The following P4HA1 variants were observed in gnomAD, a reference collection of about 807,000 sequenced individuals.
The protein encoded by P4HA1 is prolyl 4-hydroxylase subunit alpha 1.
P4HA1 carries 24 observed loss-of-function variants against 72.8 expected under a neutral mutation model. The ratio of observed to expected loss-of-function variants is 0.33; its 90% CI spans 0.24 to 0.46. P4HA1 has a LOEUF of 0.46. P4HA1 is among the 20% of genes least tolerant of loss of function. P4HA1 has a pLI of 1.00. For missense variants in P4HA1, 446 were observed against 640.6 expected, an observed-to-expected ratio of 0.70 and a Z score of 3.28; for synonymous variants, 201 against 218.8, an observed-to-expected ratio of 0.92 and a Z score of 0.72.
intron 12 of P4HA1, among the ~76,000 whole-genome samples, chr10:73,012,334 GACAA>G (rs1179832025): frequency 2.0e-5 from 3 of 152,100 alleles, no homozygotes; most frequent in Non-Finnish European, 4.4e-5. Flanking sequence ...CAAAAAGTCT[GACAA>G]ACATACTTCA....
At chr10:73,080,901 C>G (rs1841807336) in intron 1 of P4HA1, among the ~76,000 whole-genome samples, 1 of 152,134 alleles carries the variant, frequency 6.6e-6, no homozygotes, top group African/African-American at 2.4e-5. Flanking sequence ...GCACTCCAGC[C>G]TGGGCAACAG....
chr10:73,093,905 T>TATATATATATAC (rs1842106843), intron 1 of P4HA1, among the ~76,000 whole-genome samples: 2 of 75,676 alleles, frequency 2.6e-5, no homozygotes, highest in Non-Finnish European at 4.5e-5. Context: ...TATATATATA[T>TATATATATATAC]ATACACACAC....
At position 73,096,779 on chromosome 10, in the gene P4HA1, C is replaced by T. The variant is rs1283750223; in HGVS notation, c.-46G>A. 6.5e-6 allele frequency: 1 copy of T among 153,056 alleles called. No individual in the cohort carries two copies. The highest frequency in any genetic ancestry group is 1.9e-4 in the East Asian group (1 of 5,202). 9.5% of individuals were successfully genotyped at this position (153,056 alleles called of 1,614,324 possible). Reference sequence around the variant, plus strand: ...GGAGCGTCTCACCTGGAAAGTGGGACGAGAGGGCGGCGCGCTCTTCAGCCC... The same window carrying T: ...GGAGCGTCTCACCTGGAAAGTGGGATGAGAGGGCGGCGCGCTCTTCAGCCC... On this transcript the variant is annotated 5_prime_UTR_variant, in exon 1 of 15. Coordinates refer to ENST00000394890, the MANE Select transcript of P4HA1 (RefSeq NM_001017962.3).
chr10:73,066,539 T>C (rs1461956757), intron 5 of P4HA1, among the ~76,000 whole-genome samples: 1 of 152,144 alleles, frequency 6.6e-6, no homozygotes, highest in Non-Finnish European at 1.5e-5. Context: ...TTTTTTGAGA[T>C]AGGGGTCTCA....
chr10:73,064,743 A>G (rs1841382461), intron 5 of P4HA1, among the ~76,000 whole-genome samples: 1 of 151,254 alleles, frequency 6.6e-6, no homozygotes, highest in African/African-American at 2.4e-5. Flanking sequence ...TGGGAGGCTG[A>G]GGCAAGAGAA....
intron 5 of P4HA1, among the ~76,000 whole-genome samples, chr10:73,062,373 A>T (rs1241376170): frequency 2.0e-5 from 3 of 149,124 alleles, no homozygotes; most frequent in Non-Finnish European, 4.5e-5. Flanking sequence ...CTGACACTAT[A>T]AAAAAAAAAT....
chr10:73,081,273 A>G (rs1220724688), intron 1 of P4HA1, among the ~76,000 whole-genome samples: 1 of 152,122 alleles, frequency 6.6e-6, no homozygotes, highest in Non-Finnish European at 1.5e-5. Flanking sequence ...AGAAAACCCA[A>G]GAAGAGTCAA....
chr10:73,042,810 GTGCTACT>G (rs1473417897), intron 9 of P4HA1, among the ~76,000 whole-genome samples: 2 of 152,010 alleles, frequency 1.3e-5, no homozygotes, highest in Non-Finnish European at 2.9e-5. Flanking sequence ...TTAAGGAAGG[GTGCTACT>G]GGCATCCAGT....
chr10:73,015,546 C>T (rs1215806891), intron 11 of P4HA1, among the ~76,000 whole-genome samples: 1 of 152,210 alleles, frequency 6.6e-6, no homozygotes, highest in East Asian at 1.9e-4. Context: ...ACAGACAGTT[C>T]CCCATAAGGC....
intron 10 of P4HA1, among the ~76,000 whole-genome samples, chr10:73,025,766 C>A (rs951041278): frequency 6.6e-6 from 1 of 152,214 alleles, no homozygotes; most frequent in African/African-American, 2.4e-5. Flanking sequence ...TCAGCAAAGT[C>A]TCAGGATACA....
intron 10 of P4HA1, among the ~76,000 whole-genome samples, chr10:73,022,449 C>T (rs942544111): frequency 6.6e-6 from 1 of 152,026 alleles, no homozygotes; most frequent in Admixed American, 6.6e-5. Flanking sequence ...ATAGCATCAA[C>T]ATCAACAAAA....
At chr10:73,038,204 A>G (rs1383774302) in intron 9 of P4HA1, among the ~76,000 whole-genome samples, 3 of 152,170 alleles carry the variant, frequency 2.0e-5, no homozygotes, top group African/African-American at 4.8e-5. Flanking sequence ...GTAGTGAGCC[A>G]TGACTGTGCC....
chr10:73,016,963 A>G (rs1403855956), intron 10 of P4HA1, 64 bp from the exon 11 acceptor site: 22 of 1,297,170 alleles, frequency 1.7e-5, no homozygotes, highest in Non-Finnish European at 2.3e-5. Context: ...AAAAAAATCT[A>G]TGAACCTCAT....
chr10:73,039,309 T>G (rs1051237252), intron 9 of P4HA1, among the ~76,000 whole-genome samples: 1 of 151,972 alleles, frequency 6.6e-6, no homozygotes, highest in African/African-American at 2.4e-5. Context: ...CCTTTTTTGT[T>G]TTATGGGTTT....
chr10:73,023,344 A>G (rs1006765955), intron 10 of P4HA1, among the ~76,000 whole-genome samples: 3 of 152,180 alleles, frequency 2.0e-5, no homozygotes, highest in African/African-American at 7.2e-5. Context: ...CCAATATTCA[A>G]CATTCTTAAA....
At chr10:73,050,738 T>C (rs555860316) in intron 7 of P4HA1, among the ~76,000 whole-genome samples, 1 of 152,000 alleles carries the variant, frequency 6.6e-6, no homozygotes, top group Non-Finnish European at 1.5e-5. Flanking sequence ...CAGGGTCTTA[T>C]TCTGTAGCCC....
Position 73,047,078 on chromosome 10 carries a change from G to T in P4HA1, c.924C>A (p.Leu308=). 1 of 1,613,388 alleles carries T rather than the reference G, an allele frequency of 6.2e-7. No individual in the cohort carries two copies. Among genetic ancestry groups the T allele is most frequent in the Non-Finnish European group, 8.5e-7 (1 of 1,179,438 alleles). Residue 308 remains leucine (L), a synonymous_variant, in exon 8 of 15, where the codon CTC becomes CTA. Coordinates refer to ENST00000394890, the MANE Select transcript of P4HA1 (RefSeq NM_001017962.3). ...IKMTPRRQKK[L]FCRYHDGNRN... is the part of the protein sequence containing the mutation. ...GGTTTCCATCATGGTAGCGGCAAAA[G>T]AGTTTTTTCTGTCTCCGAGGGGTCT... is the stretch of plus-strand genomic sequence containing the variant.
chr10:73,078,932 C>A (rs1225035868), intron 1 of P4HA1, among the ~76,000 whole-genome samples: 1 of 151,946 alleles, frequency 6.6e-6, no homozygotes, highest in Non-Finnish European at 1.5e-5. Context: ...TTTTATATCT[C>A]TGTATTTTCC....
At chr10:73,009,933 AG>A in intron 13 of P4HA1, 30 bp from the exon 14 acceptor site, 1 of 1,203,208 alleles carries the variant, frequency 8.3e-7, no homozygotes, top group Non-Finnish European at 1.2e-6. Flanking sequence ...ATTATCCCCA[AG>A]TATACAATGC....
Sources: allele counts gnomAD v4.1 joint callset (sites outside exome capture counted in the v4.1 genomes callset), GRCh38; gene constraint gnomAD v4.1.1; transcripts MANE v1.5; gene names NCBI Gene and HGNC (gene_info 2026-07-23, HGNC 2026-07-21).